ZNF385D: variants seen among roughly 807,000 people sequenced by gnomAD.
ZNF385D encodes zinc finger protein 385D.
ZNF385D carries 15 observed loss-of-function variants against 35.8 expected under a neutral mutation model. That is an observed-to-expected ratio of 0.42 (90% CI 0.28 to 0.64). The LOEUF is 0.64. Among genes scored for constraint, ZNF385D ranks in the 30% least tolerant of loss-of-function variants. The probability of loss-of-function intolerance (pLI) is 0.23; values close to 1 mark genes in which losing one functional copy is unlikely to be tolerated. For missense variants in ZNF385D, 474 were observed against 494.6 expected (o/e 0.96, Z 0.39); for synonymous variants, 212 against 186.8 (o/e 1.13, Z -1.10).
chr3:21,492,776 A>AAAATAAATAAATT (rs1705530844), intron 4 of ZNF385D, among the ~76,000 whole-genome samples: 1 of 140,986 alleles, frequency 7.1e-6, no homozygotes, highest in Non-Finnish European at 1.5e-5. Flanking sequence ...CTCTGTTTCA[A>AAAATAAATAAATT]AAATAAATAA....
Position 21,468,106 on chromosome 3 carries a change from A to C in ZNF385D, c.440-30903T>G, listed in dbSNP as rs545338706. Among the ~76,000 whole-genome samples the C allele has an allele frequency of 1.1e-4, 17 of 152,282 alleles. No homozygotes were observed. In the South Asian group the frequency reaches 3.1e-3, roughly 28 times the overall value. On this transcript the variant is annotated intron_variant, in intron 4 of 7. Transcript: ENST00000281523. ...TTACCAAAAAATAAAAAATGTGTCC[A>C]TAAAAGTAGTATATGGAGCCAGGTG...
At chr3:22,062,512 TTAG>T (rs1699744246) in intron 3 of ZNF385D, among the ~76,000 whole-genome samples, 2 of 152,218 alleles carry the variant, frequency 1.3e-5, no homozygotes, top group Admixed American at 1.3e-4. Context: ...GTTGTTTCAA[TTAG>T]TAGTGAGCCT....
chr3:22,080,405 A>G (rs1373806814), intron 3 of ZNF385D, among the ~76,000 whole-genome samples: 1 of 152,144 alleles, frequency 6.6e-6, no homozygotes, highest in Non-Finnish European at 1.5e-5. Context: ...AGCAATGTTC[A>G]TGATCAATAA....
At chr3:21,533,910 T>C (rs551043146) in intron 3 of ZNF385D, among the ~76,000 whole-genome samples, 77 of 152,084 alleles carry the variant, frequency 5.1e-4, no homozygotes, top group Non-Finnish European at 9.6e-4. Context: ...CTAGCAATCT[T>C]TGCCATAGTC....
At chr3:22,219,134 G>C (rs1698082698) in intron 2 of ZNF385D, among the ~76,000 whole-genome samples, 3 of 152,094 alleles carry the variant, frequency 2.0e-5, no homozygotes, top group African/African-American at 7.2e-5. Flanking sequence ...TTTGGGCTGA[G>C]ACAGATTTAT....
chr3:21,952,953 A>T (rs1187322064), intron 3 of ZNF385D, among the ~76,000 whole-genome samples: 2 of 151,992 alleles, frequency 1.3e-5, no homozygotes, highest in Non-Finnish European at 2.9e-5. Context: ...GAGGTTTCCC[A>T]TGATGCCTTA....
At chr3:21,937,684 AATT>A (rs1196825035) in intron 3 of ZNF385D, among the ~76,000 whole-genome samples, 1 of 148,824 alleles carries the variant, frequency 6.7e-6, no homozygotes, top group Non-Finnish European at 1.5e-5. Flanking sequence ...ATTAAAGAAA[AATT>A]ATCTGTTTCC....
chr3:22,152,590 T>C (rs938070681), intron 3 of ZNF385D, among the ~76,000 whole-genome samples: 1 of 152,128 alleles, frequency 6.6e-6, no homozygotes, highest in Non-Finnish European at 1.5e-5. Context: ...ATCTCCTAAG[T>C]GCGTCGTCAC....
At chr3:22,205,996 C>A (rs111693416) in intron 2 of ZNF385D, among the ~76,000 whole-genome samples, 5 of 151,904 alleles carry the variant, frequency 3.3e-5, no homozygotes, top group African/African-American at 9.6e-5. Context: ...CAACTCAAAT[C>A]TTGCCATATA....
chr3:22,097,038 G>T (rs1389662531), intron 3 of ZNF385D, among the ~76,000 whole-genome samples: 1 of 152,062 alleles, frequency 6.6e-6, no homozygotes, highest in African/African-American at 2.4e-5. Flanking sequence ...ACAAGGAGAG[G>T]ATCTCTAGGA....
intron 3 of ZNF385D, among the ~76,000 whole-genome samples, chr3:21,768,488 C>T (rs974775066): frequency 3.3e-5 from 5 of 151,794 alleles, no homozygotes; most frequent in East Asian, 1.9e-4. Flanking sequence ...CTTCAAACTT[C>T]CAGGAGAATG....
At position 22,011,989 on chromosome 3, in the gene ZNF385D, G is replaced by C. The variant is rs1696603360; in HGVS notation, c.325+156828C>G. On this transcript the variant is annotated intron_variant, in intron 3 of 5. Coordinates refer to the ZNF385D transcript ENST00000494108. The stretch of plus-strand genomic sequence containing the variant: ...TCTTCTTTGACTTCTTTCAAGTATT[G>C]TGTTTCTAGATCCACATAACATAAT... 2.0e-5 allele frequency among the ~76,000 whole-genome samples: 3 copies of C among 152,096 alleles called. No individual in the cohort carries two copies. The East Asian group carries it at 5.8e-4, about 29-fold the overall frequency.
intron 3 of ZNF385D, among the ~76,000 whole-genome samples, chr3:22,122,609 A>G (rs1245359149): frequency 6.6e-6 from 1 of 152,136 alleles, no homozygotes; most frequent in Non-Finnish European, 1.5e-5. Context: ...AAAGAGAAAA[A>G]AATAAGATAA....
chr3:22,121,783 T>G (rs1306652719), intron 3 of ZNF385D, among the ~76,000 whole-genome samples: 1 of 152,086 alleles, frequency 6.6e-6, no homozygotes, highest in Non-Finnish European at 1.5e-5. Context: ...TTTCATTATA[T>G]AACCTTGAAG....
At chr3:22,305,784 A>G (rs556240824) in intron 2 of ZNF385D, among the ~76,000 whole-genome samples, 8 of 152,280 alleles carry the variant, frequency 5.3e-5, no homozygotes, top group Non-Finnish European at 1.2e-4. Flanking sequence ...ATGAACAACC[A>G]ATGATTACTA....
At chr3:22,070,487 A>G (rs550210926) in intron 3 of ZNF385D, among the ~76,000 whole-genome samples, 1 of 152,212 alleles carries the variant, frequency 6.6e-6, no homozygotes, top group East Asian at 1.9e-4. Flanking sequence ...TACTTGCTTC[A>G]TTATCTCAAA....
intron 3 of ZNF385D, among the ~76,000 whole-genome samples, chr3:21,839,450 C>CT (rs1695527986): frequency 6.6e-6 from 1 of 152,104 alleles, no homozygotes; most frequent in Admixed American, 6.6e-5. Flanking sequence ...AAATCTCTCA[C>CT]TTTCCTAAAC....
intron 2 of ZNF385D, among the ~76,000 whole-genome samples, chr3:22,258,595 C>T (rs1433740004): frequency 6.6e-6 from 1 of 151,632 alleles, no homozygotes; most frequent in Non-Finnish European, 1.5e-5. Context: ...ATTTCACCTA[C>T]TGCAGAAGTT....
chr3:22,061,502 C>A (rs1451844225), intron 3 of ZNF385D, among the ~76,000 whole-genome samples: 1 of 151,970 alleles, frequency 6.6e-6, no homozygotes, highest in Non-Finnish European at 1.5e-5. Flanking sequence ...TAAAAGTATA[C>A]CAGATTATGT....
Sources: allele counts gnomAD v4.1 joint callset (sites outside exome capture counted in the v4.1 genomes callset), GRCh38; gene constraint gnomAD v4.1.1; transcripts MANE v1.5; gene names NCBI Gene and HGNC (gene_info 2026-07-23, HGNC 2026-07-21).